Variants in FAM13B observed in about 807,000 individuals in gnomAD.
FAM13B encodes family with sequence similarity 13 member B, also known as protein FAM13B.
Under a neutral mutation model 117.3 loss-of-function variants are expected in FAM13B, and 60 were observed. The observed-to-expected ratio is 0.51, with a 90% CI of 0.42 to 0.63. FAM13B has a LOEUF of 0.63. Among genes scored for constraint, FAM13B ranks in the 30% least tolerant of loss-of-function variants. The pLI is 0.00. For synonymous variants in FAM13B, 332 were observed against 356.1 expected, an observed-to-expected ratio of 0.93 and a Z score of 0.76; for missense variants, 972 against 1,091.9, an observed-to-expected ratio of 0.89 and a Z score of 1.55.
Position 137,988,291 on chromosome 5 carries a change from G to A in FAM13B, c.873C>T (p.Ile291=). 1.3e-6 allele frequency: 2 copies of A among 1,556,828 alleles called. No individual in the cohort carries two copies. Among genetic ancestry groups the A allele is most frequent in the Non-Finnish European group, 1.7e-6 (2 of 1,162,222 alleles). Residue 291 remains isoleucine (I), a synonymous_variant, in exon 8 of 24, where the codon ATC becomes ATT. Coordinates refer to ENST00000689681, the MANE Select transcript of FAM13B (RefSeq NM_001385994.1). ...ATSTHISPIS[I]LPASTDILER... is the part of the protein sequence containing the mutation. ...CTACTTACTCTGTAGAGGCTGGTAG[G>A]ATGCTGATGGGAGATATATGGGTGC...
chr5:138,007,212 C>T, intron 6 of FAM13B, 65 bp from the exon 7 acceptor site: 1 of 1,234,614 alleles, frequency 8.1e-7, no homozygotes, highest in Non-Finnish European at 1.1e-6. Context: ...CTAAGACATA[C>T]TATTCTATGA....
chr5:137,963,133 C>T (rs1330095428), intron 10 of FAM13B, among the ~76,000 whole-genome samples: 2 of 152,222 alleles, frequency 1.3e-5, no homozygotes, highest in African/African-American at 4.8e-5. Flanking sequence ...AAGTAAGTAC[C>T]ACTTGTCCAG....
chr5:138,036,908 G>T (rs562178424), upstream of FAM13B: 25 of 330,656 alleles, frequency 7.6e-5, no homozygotes, highest in Non-Finnish European at 1.4e-4. Context: ...AGACATTTTT[G>T]ATTGTCACCA....
rs372132463 is a variant in FAM13B at position 138,011,140 on chromosome 5, T to A, written c.558A>T (p.Thr186=). 5 of 1,604,810 alleles carry A rather than the reference T, an allele frequency of 3.1e-6. No individual in the cohort carries two copies. The highest frequency in any genetic ancestry group is 4.2e-6 in the Non-Finnish European group (5 of 1,178,126). The change falls in exon 6 of 24, where the codon ACA becomes ACT. Residue 186 remains threonine, a synonymous_variant. Coordinates refer to ENST00000689681, the MANE Select transcript of FAM13B (RefSeq NM_001385994.1). ...CTTGCTCTTTCATGTCTTCCACATC[T>A]GTGTAAATGCTAAGAATAGAAGTCC... The part of the protein sequence containing the change: ...VFGPDVFHIY[T]DVEDMKEQEI...
At chr5:137,952,309 T>C (rs971398046) in intron 17 of FAM13B, among the ~76,000 whole-genome samples, 20 of 152,174 alleles carry the variant, frequency 1.3e-4, no homozygotes, top group African/African-American at 4.8e-4. Context: ...AGCTGCTTAA[T>C]ATCTGAAATA....
At chr5:138,048,878 G>A (rs1791716138) in intron 1 of FAM13B, among the ~76,000 whole-genome samples, 1 of 151,354 alleles carries the variant, frequency 6.6e-6, no homozygotes, top group African/African-American at 2.4e-5. Flanking sequence ...CTCAATGTCA[G>A]TCTCCTTCTG....
intron 10 of FAM13B, among the ~76,000 whole-genome samples, chr5:137,972,854 C>T (rs907518054): frequency 2.6e-5 from 4 of 152,132 alleles, no homozygotes; most frequent in South Asian, 2.1e-4. Context: ...AACTCCCATT[C>T]ACAATTGCTT....
At chr5:137,956,648 T>A (rs1001022947) in intron 13 of FAM13B, 106 bp from the exon 14 acceptor site, 3 of 594,450 alleles carry the variant, frequency 5.0e-6, no homozygotes, top group South Asian at 4.9e-5. Context: ...AACATTTCCC[T>A]AAAACCAGTT....
At chr5:138,010,526 T>C (rs1193751502) in intron 6 of FAM13B, among the ~76,000 whole-genome samples, 3 of 152,218 alleles carry the variant, frequency 2.0e-5, no homozygotes, top group Non-Finnish European at 4.4e-5. Flanking sequence ...AATTTAAAAA[T>C]TACCTGCCAC....
intron 10 of FAM13B, among the ~76,000 whole-genome samples, chr5:137,974,523 T>C (rs1298662369): frequency 6.8e-6 from 1 of 147,342 alleles, no homozygotes; most frequent in Non-Finnish European, 1.5e-5. Flanking sequence ...GACGAGTTAG[T>C]GGGTGCAGCG....
At chr5:138,009,909 G>C (rs1561525318) in intron 6 of FAM13B, among the ~76,000 whole-genome samples, 1 of 151,908 alleles carries the variant, frequency 6.6e-6, no homozygotes, top group Non-Finnish European at 1.5e-5. Flanking sequence ...TTTAAAGAAG[G>C]CTTTTAAAAC....
intron 10 of FAM13B, among the ~76,000 whole-genome samples, chr5:137,984,935 A>AT (rs1173965913): frequency 6.6e-6 from 1 of 151,526 alleles, no homozygotes; most frequent in Non-Finnish European, 1.5e-5. Context: ...CGCCCGGCTA[A>AT]TTTTTTTGTA....
intron 7 of FAM13B, among the ~76,000 whole-genome samples, chr5:137,996,140 T>G (rs2150710541): frequency 6.6e-6 from 1 of 152,248 alleles, no homozygotes; most frequent in African/African-American, 2.4e-5. Context: ...CAGTTTTTTG[T>G]TTTTTGTTTT....
At chr5:137,964,029 C>T (rs1297354018) in intron 10 of FAM13B, among the ~76,000 whole-genome samples, 1 of 152,068 alleles carries the variant, frequency 6.6e-6, no homozygotes, top group Non-Finnish European at 1.5e-5. Context: ...ATGAAATAAC[C>T]ATTACCCAGA....
intron 16 of FAM13B, 56 bp downstream of exon 16, chr5:137,953,280 A>G: frequency 1.3e-6 from 2 of 1,580,878 alleles, no homozygotes; most frequent in South Asian, 1.1e-5. Flanking sequence ...TTGAAAAACT[A>G]TCCTCTCAGT....
chr5:138,024,835 AAAGAG>A (rs1561543358), intron 1 of FAM13B, among the ~76,000 whole-genome samples: 110 of 146,124 alleles, frequency 7.5e-4, no homozygotes, highest in African/African-American at 2.6e-3. Flanking sequence ...AGAGAGAGAG[AAAGAG>A]AGAGAGAGAG....
intron 1 of FAM13B, among the ~76,000 whole-genome samples, chr5:138,043,585 G>A (rs4835753): frequency 0.74 from 111,450 of 151,456 alleles, 41,680 homozygotes; most frequent in East Asian, 0.97. Flanking sequence ...GACTACAGGC[G>A]CACGCCACCA....
intron 10 of FAM13B, among the ~76,000 whole-genome samples, chr5:137,965,502 C>G (rs544578475): frequency 6.6e-6 from 1 of 152,296 alleles, no homozygotes; most frequent in South Asian, 2.1e-4. Context: ...TTGGTGCACC[C>G]ACCTTGCTTA....
chr5:137,951,006 G>A lies in FAM13B; in HGVS notation c.1930+1622C>T, dbSNP rs1205443961. On this transcript the variant is annotated intron_variant, in intron 17 of 23. Coordinates refer to ENST00000689681, the MANE Select transcript of FAM13B (RefSeq NM_001385994.1). ...CAGATGGCTTGAGCCCAGGAGTTTT[G>A]AGACCAGCCTGGGCAACATGGTGCA... Among the ~76,000 whole-genome samples the A allele has an allele frequency of 2.0e-5, 3 of 152,064 alleles. No homozygotes were observed. The South Asian group carries it at 6.2e-4, about 32-fold the overall frequency.
Sources: gnomAD v4.1 joint callset for allele counts (sites outside exome capture counted in the v4.1 genomes callset) on GRCh38, gnomAD v4.1.1 for gene constraint, MANE v1.5 for transcripts, NCBI Gene and HGNC (gene_info 2026-07-23, HGNC 2026-07-21) for gene names.